The following ENOX1 variants were observed in gnomAD, a reference collection of about 807,000 sequenced individuals.
ENOX1 encodes the protein ecto-NOX disulfide-thiol exchanger 1, also known as candidate growth-related and time keeping constitutive hydroquinone (NADH) oxidase.
Under a neutral mutation model 82.5 loss-of-function variants are expected in ENOX1, and 42 were observed. That is an observed-to-expected ratio of 0.51 (90% CI 0.40 to 0.66). The LOEUF is 0.66. ENOX1 is among the 30% of genes least tolerant of loss of function. The probability of loss-of-function intolerance (pLI) is 0.00; values close to 1 mark genes in which losing one functional copy is unlikely to be tolerated. For synonymous variants in ENOX1, 271 were observed against 282.2 expected (o/e 0.96, Z 0.40); for missense variants, 608 against 811.6 (o/e 0.75, Z 3.05).
intron 1 of ENOX1, among the ~76,000 whole-genome samples, chr13:43,754,066 A>G (rs1950482651): frequency 6.9e-6 from 1 of 145,960 alleles, no homozygotes; most frequent in Non-Finnish European, 1.5e-5. Flanking sequence ...ATACATATAT[A>G]CGTATATAAA....
At chr13:43,776,010 T>C (rs749808117) in intron 1 of ENOX1, among the ~76,000 whole-genome samples, 17 of 152,204 alleles carry the variant, frequency 1.1e-4, no homozygotes, top group African/African-American at 4.1e-4. Flanking sequence ...GTTTTTATGA[T>C]ATAACCACAT....
intron 2 of ENOX1, among the ~76,000 whole-genome samples, chr13:43,515,995 C>T (rs1257334097): frequency 1.3e-5 from 2 of 152,260 alleles, no homozygotes; most frequent in African/African-American, 2.4e-5. Flanking sequence ...TAACCTATAC[C>T]TGCAAATCTA....
At chr13:43,456,017 A>G (rs531276227) in intron 3 of ENOX1, among the ~76,000 whole-genome samples, 7 of 152,310 alleles carry the variant, frequency 4.6e-5, no homozygotes, top group Admixed American at 2.0e-4. Context: ...TACTTTCTAG[A>G]AAGTTTGACT....
intron 2 of ENOX1, among the ~76,000 whole-genome samples, chr13:43,499,391 C>T (rs1029286948): frequency 1.3e-5 from 2 of 152,092 alleles, no homozygotes; most frequent in Non-Finnish European, 2.9e-5. Flanking sequence ...TTGGAAACAT[C>T]TTTGGTAACA....
intron 1 of ENOX1, among the ~76,000 whole-genome samples, chr13:43,707,601 T>C (rs671168): frequency 1 from 151,082 of 151,712 alleles, 75,229 homozygotes; most frequent in East Asian, 1. Flanking sequence ...GGCGTGGTGG[T>C]GCTCGCCTGT....
intron 1 of ENOX1, among the ~76,000 whole-genome samples, chr13:43,718,754 A>G (rs552295438): frequency 6.6e-6 from 1 of 151,066 alleles, no homozygotes; most frequent in South Asian, 2.1e-4. Flanking sequence ...GAATAACGAT[A>G]TAATGTTGCT....
chr13:43,690,833 C>T (rs894111503), intron 1 of ENOX1, among the ~76,000 whole-genome samples: 3 of 152,198 alleles, frequency 2.0e-5, no homozygotes, highest in Admixed American at 6.5e-5. Context: ...GAAACCACTA[C>T]TTGTTTCCCA....
chr13:43,667,829 A>T (rs2085063085), intron 1 of ENOX1, among the ~76,000 whole-genome samples: 1 of 152,214 alleles, frequency 6.6e-6, no homozygotes, highest in African/African-American at 2.4e-5. Context: ...TTTGTTGCTA[A>T]AGTAGCTACA....
chr13:43,285,553 A>T (rs994859388), intron 12 of ENOX1, among the ~76,000 whole-genome samples: 14 of 152,094 alleles, frequency 9.2e-5, no homozygotes, highest in Admixed American at 3.3e-4. Flanking sequence ...TTAGTCATAT[A>T]AGAAGGATTT....
chr13:43,485,615 CAG>C lies in ENOX1; in HGVS notation c.-218-1465_-218-1464del, dbSNP rs562386138. On this transcript the variant is annotated intron_variant, in intron 2 of 16. Coordinates refer to ENST00000690772, the MANE Select transcript of ENOX1 (RefSeq NM_001347969.2). ...AAAAAGGAAAAAGAACAGAGGAAAA[CAG>C]AGCTAGTTTATCTTTGCATGACAGA... Among the ~76,000 whole-genome samples, 73 of 152,270 alleles carry C rather than the reference CAG, an allele frequency of 4.8e-4. 2 individuals carry two copies. The highest frequency in any genetic ancestry group is 2.9e-3 in the Admixed American group (44 of 15,290).
rs2080370069 is a variant in ENOX1, at chr13:43,575,289, C to T, written c.-218-91137G>A. Among the ~76,000 whole-genome samples the T allele has an allele frequency of 2.0e-5, 3 of 152,142 alleles. No homozygotes were observed. In the South Asian group the frequency reaches 6.2e-4, roughly 32 times the overall value. ...ATTTTACATCTTAAATCTCCAAGTC[C>T]TCCTTGCAAAAGGAAGCAAACAGTA... On this transcript the variant is annotated intron_variant, in intron 2 of 16. Coordinates refer to ENST00000690772, the MANE Select transcript of ENOX1 (RefSeq NM_001347969.2).
intron 2 of ENOX1, among the ~76,000 whole-genome samples, chr13:43,626,164 G>A (rs1044987565): frequency 5.9e-5 from 9 of 151,888 alleles, no homozygotes; most frequent in Admixed American, 4.6e-4. Context: ...TCCTTTTGAT[G>A]TCTGCAGGGT....
chr13:43,633,297 G>A lies in ENOX1; in HGVS notation c.-219+34182C>T, dbSNP rs1005100217. On this transcript the variant is annotated intron_variant, in intron 2 of 16. Transcript: ENST00000690772. ...AGGCATTTTCATAGACCATTGATGA[G>A]AAAATAAATTGGTAGAGTTATTTTA... Among the ~76,000 whole-genome samples, 101 of 152,128 alleles carry A rather than the reference G, an allele frequency of 6.6e-4. 2 individuals carry two copies. The highest frequency in any genetic ancestry group is 2.4e-3 in the African/African-American group (100 of 41,438).
intron 1 of ENOX1, among the ~76,000 whole-genome samples, chr13:43,746,746 G>A (rs1950041993): frequency 6.6e-6 from 1 of 152,010 alleles, no homozygotes; most frequent in Non-Finnish European, 1.5e-5. Context: ...ACAGCACAAA[G>A]AAAAACTGGA....
rs2043167911 is a variant in ENOX1, at chr13:43,247,844, TATATATATATATATATATATATATA to T, written c.1612-11131_1612-11107del. Among the ~76,000 whole-genome samples the T allele has an allele frequency of 5.1e-3, 26 of 5,112 alleles. 2 individuals carry two copies. Among genetic ancestry groups the T allele is most frequent in the Admixed American group, 0.018 (7 of 384 alleles). 3.4% of individuals were successfully genotyped at this position (5,112 alleles called of 152,430 possible). On this transcript the variant is annotated intron_variant, in intron 14 of 16. Coordinates refer to ENST00000690772, the MANE Select transcript of ENOX1 (RefSeq NM_001347969.2). ...CAGATGCAACATATATATATATATA[TATATATATATATATATATATATATA>T]TATATATATATATATTTTTTTTTTT... is the stretch of plus-strand genomic sequence containing the variant.
At chr13:43,570,659 C>T (rs554278077) in intron 2 of ENOX1, among the ~76,000 whole-genome samples, 10 of 152,062 alleles carry the variant, frequency 6.6e-5, no homozygotes, top group Non-Finnish European at 1.3e-4. Flanking sequence ...GGCAAAAGCC[C>T]GGGATAGAAC....
In ENOX1 at chr13:43,247,865, A is replaced by G. The variant is rs866857665; in HGVS notation, c.1612-11127T>C. On this transcript the variant is annotated intron_variant, in intron 14 of 16. Transcript: ENST00000690772. Reference sequence around the variant, plus strand: ...TATATATATATATATATATATATATATATATATATATATATATATTTTTTT... The same window carrying G: ...TATATATATATATATATATATATATGTATATATATATATATATATTTTTTT... 2.1e-3 allele frequency among the ~76,000 whole-genome samples: 4 copies of G among 1,888 alleles called. 1 individual carries two copies. The highest frequency in any genetic ancestry group is 7.5e-3 in the African/African-American group (4 of 534). 1.2% of individuals were successfully genotyped at this position (1,888 alleles called of 152,430 possible).
At chr13:43,534,657 G>A (rs578125851) in intron 2 of ENOX1, among the ~76,000 whole-genome samples, 71 of 152,242 alleles carry the variant, frequency 4.7e-4, no homozygotes, top group African/African-American at 1.6e-3. Context: ...CTCCTAAAGC[G>A]CAGATGCCTA....
chr13:43,545,867 T>C (rs1020526121), intron 2 of ENOX1: 1 of 152,216 alleles, frequency 6.6e-6, no homozygotes, highest in African/African-American at 2.4e-5. Flanking sequence ...AATAAAGTGA[T>C]CCACCTTATC....
Sources: gnomAD v4.1 joint callset for allele counts (sites outside exome capture counted in the v4.1 genomes callset) on GRCh38, gnomAD v4.1.1 for gene constraint, MANE v1.5 for transcripts, NCBI Gene and HGNC (gene_info 2026-07-23, HGNC 2026-07-21) for gene names.